CAMTA1: variants seen among roughly 807,000 people sequenced by gnomAD.
CAMTA1 encodes the protein calmodulin binding transcription activator 1, also known as calmodulin-binding transcription activator 1.
A neutral mutation model predicts 170.9 loss-of-function variants in CAMTA1; 27 were observed. That is an observed-to-expected ratio of 0.16 (90% CI 0.12 to 0.22). The LOEUF (loss-of-function observed/expected upper bound fraction) is 0.22. CAMTA1 is among the 10% of genes least tolerant of loss of function. The probability of loss-of-function intolerance (pLI) is 1.00; values close to 1 mark genes in which losing one functional copy is unlikely to be tolerated. For synonymous variants in CAMTA1, 833 were observed against 891.5 expected (o/e 0.93, Z 1.17); for missense variants, 1,619 against 2,217.2 (o/e 0.73, Z 5.42).
chr1:7,499,977 G>A lies in CAMTA1; in HGVS notation c.510+32076G>A, dbSNP rs150173315. ...AGAGGACTGTGTGAGCCTGGTGTGC[G>A]TGCATAGGTATATGAGTGTGTGTGT... On this transcript the variant is annotated intron_variant, in intron 6 of 22. Transcript: ENST00000303635. Among the ~76,000 whole-genome samples, 54 of 145,998 alleles carry A rather than the reference G, an allele frequency of 3.7e-4. 5 individuals carry two copies. The South Asian group carries it at 5.1e-3, about 14-fold the overall frequency.
intron 4 of CAMTA1, among the ~76,000 whole-genome samples, chr1:7,231,059 G>T (rs1662699959): frequency 6.6e-6 from 1 of 152,136 alleles, no homozygotes; most frequent in South Asian, 2.1e-4. Context: ...TGGCAAGAGG[G>T]ACTCCCAACT....
intron 5 of CAMTA1, among the ~76,000 whole-genome samples, chr1:7,277,764 CAT>C (rs1486677626): frequency 3.2e-5 from 4 of 125,680 alleles, no homozygotes; most frequent in South Asian, 5.7e-4. Flanking sequence ...CATACACACA[CAT>C]ACACACACTT....
chr1:7,393,137 A>G lies in CAMTA1; in HGVS notation c.439-74693A>G, dbSNP rs571500706. Among the ~76,000 whole-genome samples, 48 of 151,710 alleles carry G rather than the reference A, an allele frequency of 3.2e-4. 2 individuals carry two copies. The South Asian group carries it at 1.0e-2, about 31-fold the overall frequency. The stretch of plus-strand genomic sequence containing the variant: ...TTTTTAAAGCTATTCTAATAGGTAC[A>G]TAGTATTTCATCAAGATTTTGGTTT... On this transcript the variant is annotated intron_variant, in intron 5 of 22. Coordinates refer to ENST00000303635, the MANE Select transcript of CAMTA1 (RefSeq NM_015215.4).
intron 3 of CAMTA1, among the ~76,000 whole-genome samples, chr1:6,845,849 C>T (rs948464774): frequency 2.6e-5 from 4 of 152,152 alleles, no homozygotes; most frequent in Non-Finnish European, 5.9e-5. Flanking sequence ...TTCTCATGCT[C>T]CTAGTAAAGA....
At chr1:7,145,975 A>G (rs958597276) in intron 4 of CAMTA1, among the ~76,000 whole-genome samples, 10 of 152,158 alleles carry the variant, frequency 6.6e-5, no homozygotes, top group South Asian at 2.1e-4. Flanking sequence ...CTTCTTGTCT[A>G]TGTAGCAGAG....
intron 3 of CAMTA1, among the ~76,000 whole-genome samples, chr1:7,062,004 G>T (rs1400030487): frequency 6.6e-6 from 1 of 152,036 alleles, no homozygotes; most frequent in Non-Finnish European, 1.5e-5. Flanking sequence ...TGCAACCTCC[G>T]CCTACCGGGT....
chr1:7,577,878 A>G (rs1006467169), intron 6 of CAMTA1, among the ~76,000 whole-genome samples: 1 of 152,214 alleles, frequency 6.6e-6, no homozygotes, highest in Non-Finnish European at 1.5e-5. Flanking sequence ...ATTTGGGCCT[A>G]TGGACTATAG....
intron 6 of CAMTA1, among the ~76,000 whole-genome samples, chr1:7,626,994 C>T (rs1248096830): frequency 6.6e-6 from 1 of 152,160 alleles, no homozygotes; most frequent in Non-Finnish European, 1.5e-5. Context: ...GCTTGCAGGT[C>T]ACTTGATGCC....
At chr1:7,531,690 C>T (rs771486234) in intron 6 of CAMTA1, among the ~76,000 whole-genome samples, 2 of 152,256 alleles carry the variant, frequency 1.3e-5, no homozygotes, top group Non-Finnish European at 2.9e-5. Flanking sequence ...CTCCCTCTAC[C>T]TCTTTGTTCC....
intron 16 of CAMTA1, among the ~76,000 whole-genome samples, chr1:7,743,961 G>A (rs987906797): frequency 6.7e-6 from 1 of 149,614 alleles, no homozygotes; most frequent in Non-Finnish European, 1.5e-5. Flanking sequence ...CGAGTAGCTG[G>A]CACTACAGGC....
chr1:7,186,906 G>A (rs1653414535), intron 4 of CAMTA1, among the ~76,000 whole-genome samples: 1 of 152,102 alleles, frequency 6.6e-6, no homozygotes, highest in Non-Finnish European at 1.5e-5. Context: ...CCCGGCGGGG[G>A]CGTGAAAATC....
chr1:7,745,791 G>A (rs2096853046), intron 17 of CAMTA1, 54 bp from the exon 18 acceptor site: 1 of 1,606,240 alleles, frequency 6.2e-7, no homozygotes, highest in Non-Finnish European at 8.5e-7. Context: ...AATATCTAAT[G>A]GGTGGTGCAA....
At chr1:7,222,603 C>G (rs1177349423) in intron 4 of CAMTA1, among the ~76,000 whole-genome samples, 1 of 152,140 alleles carries the variant, frequency 6.6e-6, no homozygotes. Context: ...CCTAGACAGC[C>G]CCAGCCCTTT....
intron 4 of CAMTA1, among the ~76,000 whole-genome samples, chr1:7,111,439 C>T (rs887693954): frequency 2.6e-5 from 4 of 152,160 alleles, no homozygotes; most frequent in South Asian, 4.1e-4. Context: ...TTCCTGAGCA[C>T]GCTGTCTAAT....
intron 6 of CAMTA1, among the ~76,000 whole-genome samples, chr1:7,597,648 C>T (rs2095410509): frequency 6.6e-6 from 1 of 151,848 alleles, no homozygotes; most frequent in African/African-American, 2.4e-5. Context: ...GGGCTGGAGA[C>T]CAGGAAAGAA....
At chr1:6,968,448 C>T (rs4908430) in intron 3 of CAMTA1, among the ~76,000 whole-genome samples, 53,920 of 152,100 alleles carry the variant, frequency 0.35, 10,289 homozygotes, top group Admixed American at 0.43. Flanking sequence ...CAGGAAGTCA[C>T]GTCAGCTTCT....
intron 3 of CAMTA1, among the ~76,000 whole-genome samples, chr1:6,924,686 G>A (rs1393827229): frequency 6.6e-6 from 1 of 152,234 alleles, no homozygotes; most frequent in African/African-American, 2.4e-5. Context: ...TAAGAAGCAT[G>A]TTCCAGCTTC....
At chr1:7,209,263 T>C (rs4908607) in intron 4 of CAMTA1, among the ~76,000 whole-genome samples, 99,464 of 152,134 alleles carry the variant, frequency 0.65, 33,429 homozygotes, top group African/African-American at 0.81. Flanking sequence ...ATTACTGTCT[T>C]CTTGATAGGA....
intron 6 of CAMTA1, among the ~76,000 whole-genome samples, chr1:7,640,154 C>T (rs1189711934): frequency 6.6e-6 from 1 of 152,118 alleles, no homozygotes; most frequent in Admixed American, 6.5e-5. Context: ...CTCCAGGGGT[C>T]ACAGCCGGAG....
Sources: gnomAD v4.1 joint callset for allele counts (sites outside exome capture counted in the v4.1 genomes callset) on GRCh38, gnomAD v4.1.1 for gene constraint, MANE v1.5 for transcripts, NCBI Gene and HGNC (gene_info 2026-07-23, HGNC 2026-07-21) for gene names.